The following HS3ST4 variants were observed in gnomAD, a reference collection of about 807,000 sequenced individuals.
HS3ST4 encodes heparan sulfate-glucosamine 3-sulfotransferase 4.
A neutral mutation model predicts 29.2 loss-of-function variants in HS3ST4; 17 were observed. The observed-to-expected ratio is 0.58, with a 90% CI of 0.40 to 0.87. The LOEUF is 0.87. Ranked by LOEUF, HS3ST4 falls within the 40% of genes least tolerant of loss-of-function variation. The pLI is 0.00. For missense variants in HS3ST4, 627 were observed against 634.5 expected (o/e 0.99, Z 0.13); for synonymous variants, 314 against 285.7 (o/e 1.10, Z -1.00).
intron 1 of HS3ST4, among the ~76,000 whole-genome samples, chr16:25,723,585 G>A (rs925749180): frequency 1.3e-5 from 2 of 152,048 alleles, no homozygotes; most frequent in Admixed American, 1.3e-4. Context: ...CTTAGTTTGG[G>A]CCCACATTTT....
chr16:26,028,559 A>G (rs933660778), intron 1 of HS3ST4, among the ~76,000 whole-genome samples: 1 of 152,132 alleles, frequency 6.6e-6, no homozygotes. Flanking sequence ...AGCATGAGCC[A>G]CTGTGCCCAG....
At chr16:25,745,296 C>T (rs1404212690) in intron 1 of HS3ST4, among the ~76,000 whole-genome samples, 2 of 152,182 alleles carry the variant, frequency 1.3e-5, no homozygotes, top group Non-Finnish European at 2.9e-5. Flanking sequence ...GATCAAGGAT[C>T]TTGTCCTCCC....
chr16:26,021,701 G>A (rs1478611541), intron 1 of HS3ST4, among the ~76,000 whole-genome samples: 1 of 152,026 alleles, frequency 6.6e-6, no homozygotes, highest in South Asian at 2.1e-4. Context: ...GTCTAGTTCC[G>A]TCACCAGGCT....
intron 1 of HS3ST4, among the ~76,000 whole-genome samples, chr16:25,696,504 T>G (rs905050999): frequency 2.6e-5 from 4 of 151,598 alleles, no homozygotes; most frequent in Non-Finnish European, 2.9e-5. Context: ...TTGTTTGTTT[T>G]TTTTTTTCTT....
chr16:25,926,823 A>C (rs1380771740), intron 1 of HS3ST4, among the ~76,000 whole-genome samples: 1 of 152,148 alleles, frequency 6.6e-6, no homozygotes, highest in African/African-American at 2.4e-5. Context: ...TGCCCATAAG[A>C]CCCATGCCTA....
chr16:25,697,146 G>A (rs1039896209), intron 1 of HS3ST4, among the ~76,000 whole-genome samples: 1 of 152,236 alleles, frequency 6.6e-6, no homozygotes, highest in Non-Finnish European at 1.5e-5. Context: ...ACCATATGCC[G>A]TGCACTGTAT....
chr16:25,827,533 CAAAA>C (rs11371550), intron 1 of HS3ST4, among the ~76,000 whole-genome samples: 2 of 136,248 alleles, frequency 1.5e-5, no homozygotes, highest in Non-Finnish European at 3.1e-5. Context: ...GCTGTCTTCA[CAAAA>C]AAAAAAAAAA....
intron 1 of HS3ST4, among the ~76,000 whole-genome samples, chr16:26,095,889 A>G (rs1280279437): frequency 6.6e-6 from 1 of 152,188 alleles, no homozygotes; most frequent in Non-Finnish European, 1.5e-5. Flanking sequence ...TGAAGAAGAA[A>G]AGAGAGAAGA....
intron 1 of HS3ST4, among the ~76,000 whole-genome samples, chr16:25,743,620 C>T (rs1966668430): frequency 6.6e-6 from 1 of 152,152 alleles, no homozygotes; most frequent in Admixed American, 6.5e-5. Context: ...ATTCTTCTGC[C>T]TCAGCCTCCT....
intron 1 of HS3ST4, among the ~76,000 whole-genome samples, chr16:25,744,569 A>G (rs1418921395): frequency 5.9e-5 from 9 of 152,014 alleles, no homozygotes; most frequent in Admixed American, 1.3e-4. Flanking sequence ...CATCATCATC[A>G]TCATCAATAT....
intron 1 of HS3ST4, among the ~76,000 whole-genome samples, chr16:25,859,474 G>A (rs929880470): frequency 2.6e-5 from 4 of 152,142 alleles, no homozygotes; most frequent in African/African-American, 9.7e-5. Flanking sequence ...CAACATATGT[G>A]CTTTCCTGTA....
At chr16:25,937,566 G>T (rs901289329) in intron 1 of HS3ST4, among the ~76,000 whole-genome samples, 3 of 152,148 alleles carry the variant, frequency 2.0e-5, no homozygotes, top group Non-Finnish European at 4.4e-5. Context: ...ATGAAACCCC[G>T]AGTGGTGGTG....
chr16:25,750,453 T>C (rs1285127992), intron 1 of HS3ST4, among the ~76,000 whole-genome samples: 1 of 152,212 alleles, frequency 6.6e-6, no homozygotes, highest in Non-Finnish European at 1.5e-5. Context: ...TCATGGACTT[T>C]GCAGCTATGC....
chr16:25,769,132 T>A (rs1041638974), intron 1 of HS3ST4, among the ~76,000 whole-genome samples: 1 of 152,110 alleles, frequency 6.6e-6, no homozygotes, highest in Non-Finnish European at 1.5e-5. Flanking sequence ...CAGAGTTCTG[T>A]CCTTCGCCAA....
chr16:25,856,989 C>T lies in HS3ST4; in HGVS notation c.734+163838C>T, dbSNP rs146707943. 1.1e-4 allele frequency among the ~76,000 whole-genome samples: 16 copies of T among 152,162 alleles called. No homozygotes were observed. In the East Asian group the frequency reaches 1.5e-3, roughly 15 times the overall value. ...TGACACCACATTTGCAGCCAGCATC[C>T]GAAGTAGGACACAGTTTTGTTGGAC... On this transcript the variant is annotated intron_variant, in intron 1 of 1. Coordinates refer to ENST00000331351, the MANE Select transcript of HS3ST4 (RefSeq NM_006040.3).
chr16:25,944,954 C>A (rs997711908), intron 1 of HS3ST4, among the ~76,000 whole-genome samples: 1 of 152,074 alleles, frequency 6.6e-6, no homozygotes, highest in South Asian at 2.1e-4. Context: ...TTGAACAACT[C>A]GACTTTAAAA....
intron 1 of HS3ST4, among the ~76,000 whole-genome samples, chr16:26,050,458 G>A (rs1898328344): frequency 6.6e-6 from 1 of 152,074 alleles, no homozygotes; most frequent in Non-Finnish European, 1.5e-5. Flanking sequence ...ACACTCTTAG[G>A]TATGAATTAC....
chr16:26,107,727 T>C (rs1299491844), intron 1 of HS3ST4, among the ~76,000 whole-genome samples: 1 of 152,178 alleles, frequency 6.6e-6, no homozygotes, highest in Non-Finnish European at 1.5e-5. Flanking sequence ...ATGATTTCAT[T>C]CTCCTTATGG....
intron 1 of HS3ST4, among the ~76,000 whole-genome samples, chr16:25,948,413 A>T (rs1395659630): frequency 6.6e-6 from 1 of 152,120 alleles, no homozygotes; most frequent in South Asian, 2.1e-4. Context: ...TAGCTTTGCA[A>T]TGTGATGGGG....
Sources: allele counts gnomAD v4.1 joint callset (sites outside exome capture counted in the v4.1 genomes callset), GRCh38; gene constraint gnomAD v4.1.1; transcripts MANE v1.5; gene names NCBI Gene and HGNC (gene_info 2026-07-23, HGNC 2026-07-21).